Variants in FDFT1 observed in about 807,000 individuals in gnomAD.
FDFT1 encodes squalene synthase.
Under a neutral mutation model 46.8 loss-of-function variants are expected in FDFT1, and 68 were observed. That is an observed-to-expected ratio of 1.45 (90% CI 1.19 to 1.78). The LOEUF (loss-of-function observed/expected upper bound fraction) is 1.78. FDFT1 is among the 40% of genes most tolerant of loss of function. FDFT1 has a pLI of 0.00. For missense variants in FDFT1, 928 were observed against 524.4 expected, an observed-to-expected ratio of 1.77 and a Z score of -7.52; for synonymous variants, 351 against 185.1, an observed-to-expected ratio of 1.90 and a Z score of -7.28.
At chr8:11,837,840 G>C (rs965175820) in intron 7 of FDFT1, among the ~76,000 whole-genome samples, 1 of 152,178 alleles carries the variant, frequency 6.6e-6, no homozygotes, top group African/African-American at 2.4e-5. Flanking sequence ...TAGGGGAAGA[G>C]ATGGATTCTG....
At chr8:11,828,316 A>C (rs550339563) in intron 5 of FDFT1, among the ~76,000 whole-genome samples, 1 of 152,132 alleles carries the variant, frequency 6.6e-6, no homozygotes, top group Admixed American at 6.5e-5. Flanking sequence ...ACAACAAAAA[A>C]ACAAAAAACA....
chr8:11,809,440 A>C, intron 2 of FDFT1: 1 of 1,267,152 alleles, frequency 7.9e-7, no homozygotes, highest in South Asian at 2.4e-5. Flanking sequence ...AGTAGTGGTG[A>C]CATTCAACTA....
chr8:11,810,296 A>T (rs956458586), intron 3 of FDFT1, among the ~76,000 whole-genome samples: 1 of 152,190 alleles, frequency 6.6e-6, no homozygotes, highest in African/African-American at 2.4e-5. Flanking sequence ...TGCCGACTGT[A>T]TGATGCAGCC....
At chr8:11,817,780 A>G (rs984418146) in intron 3 of FDFT1, among the ~76,000 whole-genome samples, 2 of 150,218 alleles carry the variant, frequency 1.3e-5, no homozygotes, top group East Asian at 3.9e-4. Context: ...CGGTCTATCA[A>G]TTTTGTTGAT....
At chr8:11,816,832 C>G (rs1808527965) in intron 3 of FDFT1, among the ~76,000 whole-genome samples, 1 of 152,184 alleles carries the variant, frequency 6.6e-6, no homozygotes, top group African/African-American at 2.4e-5. Flanking sequence ...ATTTTACTTC[C>G]TCTTTTCCTA....
In FDFT1 at chr8:11,817,571, A is replaced by C. The variant is rs1032869124; in HGVS notation, c.382-4179A>C. ...TGCTATTGGTCATTTCAGAGGTTCA[A>C]CTTCTTCCTGGTTTAGTCTTGGGAG... is the stretch of plus-strand genomic sequence containing the variant. On this transcript the variant is annotated intron_variant, in intron 3 of 7. Coordinates refer to ENST00000220584, the MANE Select transcript of FDFT1 (RefSeq NM_004462.5). Among the ~76,000 whole-genome samples, 72 of 152,216 alleles carry C rather than the reference A, an allele frequency of 4.7e-4. 1 individual carries two copies. The highest frequency in any genetic ancestry group is 1.5e-3 in the African/African-American group (62 of 41,524).
At chr8:11,824,088 C>A (rs1241519790) in intron 4 of FDFT1, among the ~76,000 whole-genome samples, 2 of 152,228 alleles carry the variant, frequency 1.3e-5, no homozygotes, top group Middle Eastern at 3.4e-3. Flanking sequence ...GTCTAAAACT[C>A]TTGGGCTCAA....
chr8:11,834,638 C>CT (rs1397877191), intron 7 of FDFT1, among the ~76,000 whole-genome samples: 1 of 152,150 alleles, frequency 6.6e-6, no homozygotes, highest in Non-Finnish European at 1.5e-5. Context: ...GATGTTTTTG[C>CT]TTTAATGGAA....
At chr8:11,833,139 C>T (rs1459936250) in intron 7 of FDFT1, among the ~76,000 whole-genome samples, 1 of 152,154 alleles carries the variant, frequency 6.6e-6, no homozygotes, top group Non-Finnish European at 1.5e-5. Flanking sequence ...TTTGTAGTCA[C>T]TAGATGAAAA....
intron 1 of FDFT1, chr8:11,803,145 C>T (rs1353066003): frequency 6.3e-6 from 9 of 1,427,166 alleles, no homozygotes; most frequent in African/African-American, 4.3e-5. Context: ...CGCAAGCCGC[C>T]CTGGGCATGA....
chr8:11,799,877 C>T (rs1805926767), upstream of FDFT1, among the ~76,000 whole-genome samples: 1 of 148,640 alleles, frequency 6.7e-6, no homozygotes, highest in South Asian at 2.1e-4. Flanking sequence ...ACCTGGGAGC[C>T]AGAGGTTGCA....
At chr8:11,836,621 C>T (rs553658615) in intron 7 of FDFT1, among the ~76,000 whole-genome samples, 2 of 152,352 alleles carry the variant, frequency 1.3e-5, no homozygotes, top group African/African-American at 4.8e-5. Flanking sequence ...CAAGCTTTTG[C>T]CTCAGGTTCT....
intron 7 of FDFT1, among the ~76,000 whole-genome samples, chr8:11,835,611 C>T (rs927162482): frequency 1.3e-5 from 2 of 152,030 alleles, no homozygotes; most frequent in Non-Finnish European, 2.9e-5. Context: ...CGATTGATTC[C>T]AAATAAGTAA....
At chr8:11,796,617 T>A (rs904755475) in intron 1 of FDFT1, among the ~76,000 whole-genome samples, 3 of 152,188 alleles carry the variant, frequency 2.0e-5, no homozygotes, top group African/African-American at 7.2e-5. Flanking sequence ...GATTGGAGGC[T>A]TCTGGCCTGG....
At chr8:11,799,488 T>G (rs1344745497), upstream of FDFT1, among the ~76,000 whole-genome samples, 1 of 152,214 alleles carries the variant, frequency 6.6e-6, no homozygotes, top group Admixed American at 6.5e-5. Context: ...TGTTTATAAT[T>G]GGGTATCTTA....
At chr8:11,795,783 G>A (rs2686186) in exon 1 of FDFT1, 63,930 of 151,998 alleles carry the variant, frequency 0.42, 13,558 homozygotes, top group East Asian at 0.58. Context: ...CTTAAGAGCT[G>A]TAATACTCGC....
intron 3 of FDFT1, among the ~76,000 whole-genome samples, chr8:11,815,682 T>G (rs757626128): frequency 6.6e-6 from 1 of 152,252 alleles, no homozygotes; most frequent in Non-Finnish European, 1.5e-5. Flanking sequence ...TTGAGAAGTG[T>G]CTGTTCATAT....
intron 3 of FDFT1, among the ~76,000 whole-genome samples, chr8:11,812,281 T>C (rs905636402): frequency 6.6e-6 from 1 of 152,220 alleles, no homozygotes; most frequent in Admixed American, 6.5e-5. Context: ...CCGCACAGTC[T>C]ATTTCCTAAG....
chr8:11,802,688 C>G (rs1002397069), upstream of FDFT1: 3 of 658,888 alleles, frequency 4.6e-6, no homozygotes, highest in South Asian at 5.6e-5. Flanking sequence ...GTGGGCGGAG[C>G]GGCGGGCGGG....
Sources: gnomAD v4.1 joint callset for allele counts (sites outside exome capture counted in the v4.1 genomes callset) on GRCh38, gnomAD v4.1.1 for gene constraint, MANE v1.5 for transcripts, NCBI Gene and HGNC (gene_info 2026-07-23, HGNC 2026-07-21) for gene names.